The following PALM2AKAP2 variants were observed in gnomAD, a reference collection of about 807,000 sequenced individuals.
PALM2AKAP2 encodes PALM2 and AKAP2 fusion, also known as PALM2-AKAP2 fusion protein.
PALM2AKAP2 carries 37 observed loss-of-function variants against 71.5 expected under a neutral mutation model. The observed-to-expected ratio is 0.52, with a 90% CI of 0.40 to 0.68. PALM2AKAP2 has a LOEUF of 0.68. Among genes scored for constraint, PALM2AKAP2 ranks in the 30% least tolerant of loss-of-function variants. PALM2AKAP2 has a pLI of 0.00. For synonymous variants in PALM2AKAP2, 468 were observed against 478.8 expected (o/e 0.98, Z 0.29); for missense variants, 1,224 against 1,191.8 (o/e 1.03, Z -0.40).
chr9:109,651,844 T>C (rs1827229433), intron 1 of PALM2AKAP2, among the ~76,000 whole-genome samples: 1 of 152,226 alleles, frequency 6.6e-6, no homozygotes. Context: ...ATCTCAGTTA[T>C]GAGTAGGCTT....
At chr9:110,098,761 C>T (rs41325444) in intron 1 of PALM2AKAP2, among the ~76,000 whole-genome samples, 4,126 of 152,262 alleles carry the variant, frequency 0.027, 179 homozygotes, top group African/African-American at 0.094. Context: ...AAGAAAGAAT[C>T]GTGACGTGAC....
chr9:109,870,946 T>C (rs1829588697), intron 2 of PALM2AKAP2, among the ~76,000 whole-genome samples: 1 of 152,254 alleles, frequency 6.6e-6, no homozygotes, highest in Admixed American at 6.5e-5. Flanking sequence ...ATATTCTCCT[T>C]GCATTAGAGT....
At chr9:109,718,206 G>A (rs907279147) in intron 1 of PALM2AKAP2, among the ~76,000 whole-genome samples, 2 of 151,890 alleles carry the variant, frequency 1.3e-5, no homozygotes, top group Non-Finnish European at 2.9e-5. Flanking sequence ...TCTGCTTCCC[G>A]AGTAGCTGAG....
intron 1 of PALM2AKAP2, among the ~76,000 whole-genome samples, chr9:109,837,047 C>T (rs1413228119): frequency 6.6e-6 from 1 of 152,018 alleles, no homozygotes; most frequent in Admixed American, 6.6e-5. Flanking sequence ...AGATACTCCT[C>T]GAGAAGAGCA....
intron 1 of PALM2AKAP2, among the ~76,000 whole-genome samples, chr9:109,737,130 A>G (rs958957225): frequency 3.3e-5 from 5 of 152,220 alleles, no homozygotes; most frequent in Admixed American, 6.5e-5. Flanking sequence ...CCTAGGAGGC[A>G]CAGGAGGAAA....
chr9:109,962,140 C>T (rs565468080), intron 6 of PALM2AKAP2, among the ~76,000 whole-genome samples: 14 of 152,354 alleles, frequency 9.2e-5, no homozygotes, highest in African/African-American at 3.4e-4. Flanking sequence ...GAACACATTA[C>T]TGCACAGTTG....
At chr9:110,148,627 A>C (rs963133369) in intron 2 of PALM2AKAP2, 1 of 152,220 alleles carries the variant, frequency 6.6e-6, no homozygotes, top group Non-Finnish European at 1.5e-5. Context: ...GTCGCTTCAG[A>C]TGTTTGCAAC....
chr9:109,770,561 T>A (rs1246188548), intron 1 of PALM2AKAP2, among the ~76,000 whole-genome samples: 1 of 152,182 alleles, frequency 6.6e-6, no homozygotes, highest in Admixed American at 6.5e-5. Flanking sequence ...TTACAAAAGG[T>A]TTGTACAGCA....
Position 109,767,059 on chromosome 9 carries a change from G to C in PALM2AKAP2, c.6-13429G>C, listed in dbSNP as rs544174718. ...TTTTACCCTCAAAACACCGATATGA[G>C]TTAGGCACTATTAATTTCATTTTCT... On this transcript the variant is annotated intron_variant, in intron 1 of 6. Transcript: ENST00000374531. Among the ~76,000 whole-genome samples, 4 of 152,298 alleles carry C rather than the reference G, an allele frequency of 2.6e-5. No homozygotes were observed. The East Asian group carries it at 7.7e-4, about 29-fold the overall frequency.
chr9:109,765,828 A>T (rs1443895681), intron 1 of PALM2AKAP2, among the ~76,000 whole-genome samples: 1 of 152,202 alleles, frequency 6.6e-6, no homozygotes, highest in Non-Finnish European at 1.5e-5. Context: ...GTCACAGACC[A>T]CAGTATGAGG....
exon 2 of PALM2AKAP2, chr9:110,137,902 G>C: frequency 3.1e-6 from 5 of 1,614,138 alleles, no homozygotes; most frequent in Non-Finnish European, 4.2e-6. Flanking sequence ...CTTCCTCCAC[G>C]CTGGGGGACT....
At chr9:110,091,459 C>CTTTTTTTTTTTTTTTTTTTTTTTTTTTT (rs66848294) in intron 1 of PALM2AKAP2, among the ~76,000 whole-genome samples, 1 of 83,656 alleles carries the variant, frequency 1.2e-5, no homozygotes. Context: ...GAGATTTATT[C>CTTTTTTTTTTTTTTTTTTTTTTTTTTTT]TTTTTTTTTT....
chr9:109,655,015 C>T (rs1287577456), intron 1 of PALM2AKAP2, among the ~76,000 whole-genome samples: 2 of 152,096 alleles, frequency 1.3e-5, no homozygotes, highest in African/African-American at 4.8e-5. Context: ...AGGGGCCGGG[C>T]GCGGTGGCTC....
chr9:110,131,330 T>A (rs1203969497), intron 1 of PALM2AKAP2, among the ~76,000 whole-genome samples: 1 of 152,212 alleles, frequency 6.6e-6, no homozygotes, highest in South Asian at 2.1e-4. Context: ...TCTCTGACCT[T>A]AGAAAACCCA....
chr9:110,163,514 T>C (rs1343286578), intron 3 of PALM2AKAP2, among the ~76,000 whole-genome samples: 1 of 152,246 alleles, frequency 6.6e-6, no homozygotes, highest in African/African-American at 2.4e-5. Flanking sequence ...CAGAGGTAAC[T>C]ATTTTTGAGC....
intron 3 of PALM2AKAP2, among the ~76,000 whole-genome samples, chr9:109,898,355 A>T (rs567149093): frequency 2.0e-5 from 3 of 152,360 alleles, no homozygotes; most frequent in African/African-American, 7.2e-5. Flanking sequence ...TTCTTTCCAG[A>T]CTGTTTTACA....
At chr9:110,016,713 A>G (rs560363862) in intron 7 of PALM2AKAP2, among the ~76,000 whole-genome samples, 1 of 152,288 alleles carries the variant, frequency 6.6e-6, no homozygotes, top group African/African-American at 2.4e-5. Flanking sequence ...CAAAGGAATG[A>G]TCTTCCTCTC....
At chr9:109,738,315 C>T (rs998764104) in intron 1 of PALM2AKAP2, among the ~76,000 whole-genome samples, 4 of 152,256 alleles carry the variant, frequency 2.6e-5, no homozygotes, top group Middle Eastern at 3.4e-3. Flanking sequence ...ACGACAGCTG[C>T]CACCAGGGGC....
At chr9:109,702,589 T>G in intron 1 of PALM2AKAP2, among the ~76,000 whole-genome samples, 1 of 148,630 alleles carries the variant, frequency 6.7e-6, no homozygotes. Context: ...CCGGGGCCTG[T>G]TGTGGGGGTG....
Sources: allele counts gnomAD v4.1 joint callset (sites outside exome capture counted in the v4.1 genomes callset), GRCh38; gene constraint gnomAD v4.1.1; transcripts MANE v1.5; gene names NCBI Gene and HGNC (gene_info 2026-07-23, HGNC 2026-07-21).